B3GALNT2: variants seen among roughly 807,000 people sequenced by gnomAD.
B3GALNT2 encodes the protein UDP-GalNAc:beta-1,3-N-acetylgalactosaminyltransferase 2.
Under a neutral mutation model 61.1 loss-of-function variants are expected in B3GALNT2, and 53 were observed. The ratio of observed to expected loss-of-function variants is 0.87; its 90% CI spans 0.70 to 1.09. B3GALNT2 has a LOEUF of 1.09. Among genes scored for constraint, B3GALNT2 ranks in the 50% least tolerant of loss-of-function variants. B3GALNT2 has a pLI of 0.00. For synonymous variants in B3GALNT2, 223 were observed against 237.4 expected (o/e 0.94, Z 0.56); for missense variants, 544 against 623.0 (o/e 0.87, Z 1.35).
chr1:235,478,701 T>C, intron 5 of B3GALNT2, among the ~76,000 whole-genome samples: 1 of 152,228 alleles, frequency 6.6e-6, no homozygotes, highest in East Asian at 1.9e-4. Flanking sequence ...TTTCATACAA[T>C]GTAATTCTAT....
chr1:235,442,328 A>G (rs781239962), downstream of B3GALNT2, among the ~76,000 whole-genome samples: 1 of 152,004 alleles, frequency 6.6e-6, no homozygotes, highest in African/African-American at 2.4e-5. Flanking sequence ...GCGCCACCAC[A>G]CCCAGTTAAT....
chr1:235,492,913 G>A (rs1278137184), intron 2 of B3GALNT2, among the ~76,000 whole-genome samples: 6 of 152,190 alleles, frequency 3.9e-5, no homozygotes, highest in Non-Finnish European at 7.3e-5. Flanking sequence ...TGTAGGGGAA[G>A]TAGATGTAGA....
intron 11 of B3GALNT2, chr1:235,450,608 C>T (rs1682840082): frequency 5.1e-6 from 2 of 389,338 alleles, no homozygotes; most frequent in Middle Eastern, 7.5e-4. Flanking sequence ...CCGTAATGAA[C>T]GATTTTAGAA....
chr1:235,441,698 C>T, the B3GALNT2 span: 1 of 918,412 alleles, frequency 1.1e-6, no homozygotes, highest in Non-Finnish European at 1.7e-6. Flanking sequence ...CTCCATGTGT[C>T]CTGGGAAAGG....
rs704705 is a variant in B3GALNT2, at chr1:235,449,005, C to T, written c.*1201G>A. 290,919 of 422,194 alleles carry T rather than the reference C, an allele frequency of 0.69. 102,092 individuals carry two copies. Among genetic ancestry groups the T allele is most frequent in the African/African-American group, 0.92 (45,696 of 49,434 alleles). The allele number at this position is 422,194 out of a possible 1,614,324, so 26.2% of individuals were successfully genotyped here. A position where few individuals can be genotyped will look rare whatever the true frequency, so the allele number is the denominator to read the frequency against. On this transcript the variant is annotated 3_prime_UTR_variant, in exon 12 of 12. Transcript: ENST00000366600. The stretch of plus-strand genomic sequence containing the variant: ...TCTTATTTCATATTTATTTTTACAG[C>T]TCATCACTGCATTTCATGATAAGAT...
chr1:235,455,485 A>G, intron 9 of B3GALNT2, 74 bp downstream of exon 9: 1 of 1,490,422 alleles, frequency 6.7e-7, no homozygotes, highest in Non-Finnish European at 9.2e-7. Flanking sequence ...TCAAAAAAAA[A>G]AGATATTTTA....
Position 235,494,708 on chromosome 1 carries a change from A to C in B3GALNT2, c.233T>G (p.Leu78Trp). ...TTGACTTAATGTGGGATGCTGTAGCAAATGTCTCATCCAGGTGCTTCTTAT... is the reference window on the plus strand; with the variant it reads ...TTGACTTAATGTGGGATGCTGTAGCCAATGTCTCATCCAGGTGCTTCTTAT... The part of the protein sequence containing the change: ...NVIRSTWMRH[L>W]LQHPTLSQRV... The change falls in exon 2 of 12, where the codon TTG becomes TGG. Residue 78 changes from leucine to tryptophan, a missense_variant. Coordinates refer to ENST00000366600, the MANE Select transcript of B3GALNT2 (RefSeq NM_152490.5). 1 of 1,613,334 alleles carries C rather than the reference A, an allele frequency of 6.2e-7. No homozygotes were observed. Among genetic ancestry groups the C allele is most frequent in the Non-Finnish European group, 8.5e-7 (1 of 1,179,430 alleles).
downstream of B3GALNT2, among the ~76,000 whole-genome samples, chr1:235,443,579 GCTGTTTCCAGGGAGA>G (rs535676213): frequency 8.8e-4 from 134 of 152,250 alleles, no homozygotes; most frequent in African/African-American, 3.0e-3. Flanking sequence ...CAAGCCTGCT[GCTGTTTCCAGGGAGA>G]CTGTGACACT....
intron 1 of B3GALNT2, among the ~76,000 whole-genome samples, chr1:235,499,374 T>C (rs1685484837): frequency 6.6e-6 from 1 of 152,098 alleles, no homozygotes; most frequent in South Asian, 2.1e-4. Flanking sequence ...TGGTGATTAG[T>C]TGGGTGTGTT....
chr1:235,473,240 T>G (rs996557398), intron 5 of B3GALNT2, among the ~76,000 whole-genome samples: 13 of 152,230 alleles, frequency 8.5e-5, no homozygotes, highest in African/African-American at 2.9e-4. Context: ...TTTTTTAAAA[T>G]AAATAATATT....
rs369467106 is a variant in B3GALNT2, at chr1:235,494,683, T to C, written c.258A>G (p.Gln86=). Residue 86 remains glutamine, a splice_region_variant and synonymous_variant, in exon 2 of 12, where the codon CAA becomes CAG. Transcript: ENST00000366600. The part of the protein sequence containing the change: ...RHLLQHPTLS[Q]RVLVKFIIGA... ...AGGCAACAACTCAGAAAACCTACCG[T>C]TGACTTAATGTGGGATGCTGTAGCA... The C allele has an allele frequency of 6.8e-6, 11 of 1,610,732 alleles. No homozygotes were observed. In the African/African-American group the frequency reaches 9.4e-5, roughly 14 times the overall value.
At chr1:235,479,151 G>A (rs1411438708) in intron 5 of B3GALNT2, 2 of 152,184 alleles carry the variant, frequency 1.3e-5, no homozygotes, top group Non-Finnish European at 2.9e-5. Context: ...ACAAAAATGT[G>A]TGGTTCCTAT....
chr1:235,504,389 G>A lies in B3GALNT2; in HGVS notation c.-137C>T, dbSNP rs528344695. On this transcript the variant is annotated 5_prime_UTR_variant, in exon 1 of 12. Coordinates refer to ENST00000366600, the MANE Select transcript of B3GALNT2 (RefSeq NM_152490.5). ...CCGCCCTCGCGCTCGGCGACGTCTG[G>A]GGGGCTCCTCGCAGCTCCCGGCCCC... is the stretch of plus-strand genomic sequence containing the variant. The A allele has an allele frequency of 2.9e-6, 3 of 1,018,260 alleles. No homozygotes were observed. Among genetic ancestry groups the A allele is most frequent in the African/African-American group, 1.7e-5 (1 of 58,340 alleles). 63.1% of individuals were successfully genotyped at this position (1,018,260 alleles called of 1,614,324 possible).
intron 1 of B3GALNT2, among the ~76,000 whole-genome samples, chr1:235,502,531 C>T (rs187450892): frequency 6.6e-6 from 1 of 152,256 alleles, no homozygotes; most frequent in African/African-American, 2.4e-5. Context: ...ACGTTATTAC[C>T]CTGTTCCTTT....
intron 8 of B3GALNT2, among the ~76,000 whole-genome samples, 193 bp from the exon 9 acceptor site, chr1:235,455,877 T>C (rs1683146749): frequency 1.3e-5 from 2 of 152,162 alleles, no homozygotes; most frequent in Non-Finnish European, 1.5e-5. Context: ...CTTTACTAAA[T>C]GGCATAACAC....
intron 1 of B3GALNT2, among the ~76,000 whole-genome samples, chr1:235,495,544 A>T (rs981528127): frequency 2.5e-4 from 38 of 152,220 alleles, no homozygotes; most frequent in East Asian, 9.6e-4. Flanking sequence ...TAGTAAAAAA[A>T]AAAAAAAATA....
chr1:235,475,910 C>G (rs778181476), intron 5 of B3GALNT2, among the ~76,000 whole-genome samples: 31 of 151,852 alleles, frequency 2.0e-4, no homozygotes, highest in Non-Finnish European at 4.0e-4. Context: ...CTGGTCGTCT[C>G]AAACTCATGG....
At chr1:235,460,094 A>G (rs947284768) in intron 7 of B3GALNT2, among the ~76,000 whole-genome samples, 6 of 118,190 alleles carry the variant, frequency 5.1e-5, no homozygotes, top group African/African-American at 2.0e-4. Flanking sequence ...CACCAGGCAT[A>G]TAATGTTTTC....
chr1:235,489,326 T>C, intron 2 of B3GALNT2, 58 bp from the exon 3 acceptor site: 1 of 1,602,098 alleles, frequency 6.2e-7, no homozygotes, highest in Non-Finnish European at 8.5e-7. Context: ...ACATGCACGT[T>C]TCCTCATGCC....
Sources: allele counts gnomAD v4.1 joint callset (sites outside exome capture counted in the v4.1 genomes callset), GRCh38; gene constraint gnomAD v4.1.1; transcripts MANE v1.5; gene names NCBI Gene and HGNC (gene_info 2026-07-23, HGNC 2026-07-21).